MALRD1: variants seen among roughly 807,000 people sequenced by gnomAD.
MALRD1 encodes MAM and LDL receptor class A domain containing 1, also known as MAM and LDL-receptor class A domain-containing protein 1.
MALRD1 carries 247 observed loss-of-function variants against 242.1 expected under a neutral mutation model. That is an observed-to-expected ratio of 1.02 (90% CI 0.92 to 1.13). The LOEUF (loss-of-function observed/expected upper bound fraction) is 1.13. Among genes scored for constraint, MALRD1 ranks in the 50% most tolerant of loss-of-function variants. The pLI is 0.00. For synonymous variants in MALRD1, 995 were observed against 866.6 expected, an observed-to-expected ratio of 1.15 and a Z score of -2.60; for missense variants, 2,989 against 2,533.1, an observed-to-expected ratio of 1.18 and a Z score of -3.86.
chr10:19,083,623 A>T lies in MALRD1; in HGVS notation c.341-4217A>T, dbSNP rs140536876. Among the ~76,000 whole-genome samples the T allele has an allele frequency of 6.4e-3, 979 of 152,068 alleles. 8 individuals carry two copies. Among genetic ancestry groups the T allele is most frequent in the African/African-American group, 0.023 (943 of 41,508 alleles). On this transcript the variant is annotated intron_variant, in intron 2 of 39. Transcript: ENST00000454679. The stretch of plus-strand genomic sequence containing the variant: ...CATTTTAATTGTGGTCTTTCAGAGA[A>T]CCAAAAGACAGGTCAAATAATACAA...
rs146148556 is a variant in MALRD1, at chr10:19,248,870, A to G, written c.2992-8814A>G. Reference sequence around the variant, plus strand: ...AGACTGGCCACAACTAATAGCTATTATACAGATATATAACATATATGATAT... The same window carrying G: ...AGACTGGCCACAACTAATAGCTATTGTACAGATATATAACATATATGATAT... On this transcript the variant is annotated intron_variant, in intron 18 of 39. Coordinates refer to ENST00000454679, the MANE Select transcript of MALRD1 (RefSeq NM_001142308.3). Among the ~76,000 whole-genome samples the G allele has an allele frequency of 2.4e-3, 352 of 149,380 alleles. 2 individuals carry two copies. Among genetic ancestry groups the G allele is most frequent in the African/African-American group, 8.2e-3 (337 of 41,072 alleles).
At chr10:19,704,833 G>A (rs1435363941) in intron 38 of MALRD1, among the ~76,000 whole-genome samples, 5 of 152,144 alleles carry the variant, frequency 3.3e-5, no homozygotes, top group African/African-American at 1.2e-4. Flanking sequence ...AGAGAATGAT[G>A]CTTGTTTATA....
intron 12 of MALRD1, among the ~76,000 whole-genome samples, chr10:19,160,460 A>G (rs573501337): frequency 1.3e-4 from 9 of 66,814 alleles, no homozygotes; most frequent in Middle Eastern, 9.0e-3. Context: ...TTGGTATCAG[A>G]ATGATGCTGG....
At chr10:19,356,095 T>G (rs1380400857) in intron 26 of MALRD1, among the ~76,000 whole-genome samples, 1 of 151,542 alleles carries the variant, frequency 6.6e-6, no homozygotes, top group African/African-American at 2.4e-5. Context: ...GCTCCCAGAA[T>G]TGGCTCTCCG....
intron 29 of MALRD1, among the ~76,000 whole-genome samples, chr10:19,486,565 A>G (rs990768372): frequency 1.3e-5 from 2 of 152,148 alleles, no homozygotes; most frequent in African/African-American, 4.8e-5. Flanking sequence ...ACTAAATACC[A>G]TGGTCTTCAA....
intron 19 of MALRD1, among the ~76,000 whole-genome samples, chr10:19,269,222 G>T (rs556914779): frequency 6.6e-6 from 1 of 152,306 alleles, no homozygotes; most frequent in Non-Finnish European, 1.5e-5. Context: ...AATCCCCATT[G>T]AGATGGTATT....
chr10:19,615,455 G>A (rs1056030554), intron 35 of MALRD1, among the ~76,000 whole-genome samples: 1 of 129,704 alleles, frequency 7.7e-6, no homozygotes, highest in Non-Finnish European at 1.5e-5. Flanking sequence ...GGTTGAGGCT[G>A]CAGTGAGCTG....
intron 29 of MALRD1, among the ~76,000 whole-genome samples, chr10:19,471,579 C>T (rs115452382): frequency 0.022 from 3,265 of 148,062 alleles, 107 homozygotes; most frequent in African/African-American, 0.077. Context: ...GATTTCTTCC[C>T]AGTTATTTGT....
At position 19,209,807 on chromosome 10, in the gene MALRD1, A is replaced by T. The variant is rs1279372375; in HGVS notation, c.2991+127A>T. On this transcript the variant is annotated intron_variant, in intron 18 of 39. Transcript: ENST00000454679. ...ATCAAAGTTACATTGAGACACATTT[A>T]TCATTTATTTGAGGGTGTATCAAAG... 5 of 923,082 alleles carry T rather than the reference A, an allele frequency of 5.4e-6. No individual in the cohort carries two copies. In the African/African-American group the frequency reaches 6.7e-5, roughly 12 times the overall value. The allele number at this position is 923,082 out of a possible 1,614,324, so 57.2% of individuals were successfully genotyped here.
chr10:19,130,454 A>C (rs1833057643), intron 8 of MALRD1, among the ~76,000 whole-genome samples: 1 of 152,158 alleles, frequency 6.6e-6, no homozygotes, highest in Non-Finnish European at 1.5e-5. Flanking sequence ...TCAAATGGTT[A>C]AATTATATAT....
intron 36 of MALRD1, among the ~76,000 whole-genome samples, chr10:19,678,499 T>G (rs1314839293): frequency 6.6e-6 from 1 of 152,224 alleles, no homozygotes; most frequent in Non-Finnish European, 1.5e-5. Flanking sequence ...GGAATGCTTG[T>G]GATTTTTGTA....
chr10:19,715,408 A>C (rs1254186322), intron 38 of MALRD1, among the ~76,000 whole-genome samples: 1 of 151,110 alleles, frequency 6.6e-6, no homozygotes, highest in African/African-American at 2.4e-5. Context: ...ATTTATCTAT[A>C]TATAAAATGT....
At chr10:19,473,957 A>G (rs894645148) in intron 29 of MALRD1, among the ~76,000 whole-genome samples, 8 of 151,988 alleles carry the variant, frequency 5.3e-5, no homozygotes, top group Non-Finnish European at 1.5e-5. Context: ...CGAGGGTTCC[A>G]TTTTCTCCAC....
intron 38 of MALRD1, among the ~76,000 whole-genome samples, chr10:19,692,886 T>TATATATATATATATATATATATATA (rs373717863): frequency 1.2e-4 from 16 of 136,854 alleles, no homozygotes; most frequent in African/African-American, 4.4e-4. Context: ...TATATATATA[T>TATATATATATATATATATATATATA]AATTTCATCC....
chr10:19,349,240 C>T (rs1243859856), intron 25 of MALRD1, among the ~76,000 whole-genome samples: 4 of 152,158 alleles, frequency 2.6e-5, no homozygotes, highest in South Asian at 2.1e-4. Context: ...GGATTACAGG[C>T]GTGAGCCCCT....
At chr10:19,307,866 G>T (rs1454643453) in intron 21 of MALRD1, among the ~76,000 whole-genome samples, 1 of 151,354 alleles carries the variant, frequency 6.6e-6, no homozygotes, top group Non-Finnish European at 1.5e-5. Flanking sequence ...TATTTATGGG[G>T]TACATGGTAA....
chr10:19,512,722 C>T (rs185863278), intron 31 of MALRD1, among the ~76,000 whole-genome samples: 12 of 152,238 alleles, frequency 7.9e-5, no homozygotes, highest in Non-Finnish European at 1.5e-5. Flanking sequence ...GGTAGAAATG[C>T]AGCGCCTAAA....
intron 21 of MALRD1, among the ~76,000 whole-genome samples, chr10:19,294,034 AG>A (rs1370697744): frequency 6.6e-6 from 1 of 152,182 alleles, no homozygotes; most frequent in Non-Finnish European, 1.5e-5. Flanking sequence ...TTGCTGTACA[AG>A]GTAAAGTTTT....
intron 36 of MALRD1, 141 bp downstream of exon 36, chr10:19,616,064 A>G (rs1839142144): frequency 1.7e-6 from 1 of 572,884 alleles, no homozygotes; most frequent in African/African-American, 1.9e-5. Flanking sequence ...ATTTACATTT[A>G]TCTGTCTGAA....
Sources: gnomAD v4.1 joint callset for allele counts (sites outside exome capture counted in the v4.1 genomes callset) on GRCh38, gnomAD v4.1.1 for gene constraint, MANE v1.5 for transcripts, NCBI Gene and HGNC (gene_info 2026-07-23, HGNC 2026-07-21) for gene names.